The following PREP variants were observed in gnomAD, a reference collection of about 807,000 sequenced individuals.
The protein encoded by PREP is dJ355L5.1 (prolyl endopeptidase).
PREP carries 29 observed loss-of-function variants against 87.6 expected under a neutral mutation model. That is an observed-to-expected ratio of 0.33 (90% CI 0.25 to 0.45). The LOEUF (loss-of-function observed/expected upper bound fraction) is 0.45, where lower values mean the gene tolerates loss of function less well. PREP is among the 20% of genes least tolerant of loss of function. The probability of loss-of-function intolerance (pLI) is 1.00; values close to 1 mark genes in which losing one functional copy is unlikely to be tolerated. For synonymous variants in PREP, 337 were observed against 328.6 expected (o/e 1.03, Z -0.28); for missense variants, 695 against 886.5 (o/e 0.78, Z 2.74).
intron 2 of PREP, among the ~76,000 whole-genome samples, chr6:105,378,537 C>T (rs960483396): frequency 6.6e-6 from 1 of 152,100 alleles, no homozygotes; most frequent in Non-Finnish European, 1.5e-5. Flanking sequence ...ATAAGAAAGG[C>T]AAGAGATGGC....
At chr6:105,315,874 C>CAT in intron 10 of PREP, among the ~76,000 whole-genome samples, 1 of 152,322 alleles carries the variant, frequency 6.6e-6, no homozygotes, top group Middle Eastern at 3.4e-3. Context: ...GCAGCTTTCT[C>CAT]ATGTCTTTTA....
At chr6:105,298,978 A>G (rs1770475030) in intron 10 of PREP, 1 of 152,316 alleles carries the variant, frequency 6.6e-6, no homozygotes, top group Admixed American at 6.5e-5. Flanking sequence ...GGAGACGCAC[A>G]GCAGCATAAC....
chr6:105,315,401 G>A (rs1770840538), intron 10 of PREP, among the ~76,000 whole-genome samples: 1 of 152,074 alleles, frequency 6.6e-6, no homozygotes, highest in African/African-American at 2.4e-5. Context: ...TGAGCTCCTG[G>A]CCCGAGAGTT....
At chr6:105,357,368 A>G (rs1772126809) in intron 6 of PREP, among the ~76,000 whole-genome samples, 1 of 152,202 alleles carries the variant, frequency 6.6e-6, no homozygotes, top group African/African-American at 2.4e-5. Flanking sequence ...CAGCTGTCTC[A>G]AGCACATCTA....
intron 10 of PREP, chr6:105,322,714 T>C: frequency 1.0e-6 from 1 of 999,122 alleles, no homozygotes; most frequent in Non-Finnish European, 1.2e-6. Context: ...GTTTGCCAAC[T>C]GCTGATGTAG....
chr6:105,296,393 T>C (rs1200095911), intron 10 of PREP, among the ~76,000 whole-genome samples: 3 of 152,190 alleles, frequency 2.0e-5, no homozygotes, highest in African/African-American at 7.2e-5. Flanking sequence ...CAGTTTTTTT[T>C]TTTAACTTTC....
intron 12 of PREP, among the ~76,000 whole-genome samples, chr6:105,283,143 C>T (rs1173711641): frequency 1.3e-5 from 2 of 152,164 alleles, no homozygotes; most frequent in African/African-American, 2.4e-5. Flanking sequence ...GTCTTGCCCT[C>T]GGTTATTAAT....
chr6:105,379,984 A>G (rs988783157), intron 2 of PREP, among the ~76,000 whole-genome samples: 1 of 152,242 alleles, frequency 6.6e-6, no homozygotes, highest in Admixed American at 6.5e-5. Flanking sequence ...CACAATGAGA[A>G]GAGTGCAGAA....
intron 9 of PREP, among the ~76,000 whole-genome samples, chr6:105,327,205 G>A (rs967841080): frequency 1.4e-4 from 22 of 152,132 alleles, no homozygotes; most frequent in African/African-American, 5.1e-4. Flanking sequence ...GAAATTAACT[G>A]TGGGCCCTGC....
intron 1 of PREP, among the ~76,000 whole-genome samples, chr6:105,402,041 T>G (rs1178387389): frequency 6.6e-6 from 1 of 152,192 alleles, no homozygotes; most frequent in Non-Finnish European, 1.5e-5. Flanking sequence ...CTGCCCAGAA[T>G]TCCGCCTACT....
At chr6:105,343,914 C>T (rs941455915) in intron 7 of PREP, among the ~76,000 whole-genome samples, 1 of 152,174 alleles carries the variant, frequency 6.6e-6, no homozygotes, top group African/African-American at 2.4e-5. Context: ...CACTTTTACA[C>T]TGTTGGTGGG....
At chr6:105,298,515 T>C (rs966582695) in intron 10 of PREP, 5 of 152,562 alleles carry the variant, frequency 3.3e-5, no homozygotes, top group African/African-American at 1.2e-4. Flanking sequence ...GGTGCAGGGG[T>C]TGACACTGTT....
At chr6:105,293,345 TCAGAACA>T (rs1225810804) in intron 10 of PREP, among the ~76,000 whole-genome samples, 1 of 152,126 alleles carries the variant, frequency 6.6e-6, no homozygotes, top group Non-Finnish European at 1.5e-5. Context: ...AGTGGAGCAA[TCAGAACA>T]CATACAATAT....
intron 1 of PREP, among the ~76,000 whole-genome samples, chr6:105,402,068 C>G (rs1773445313): frequency 6.6e-6 from 1 of 152,180 alleles, no homozygotes; most frequent in South Asian, 2.1e-4. Context: ...CAACAGTTAC[C>G]TTGAGTTCAT....
At chr6:105,390,788 C>T (rs1773122216) in intron 2 of PREP, among the ~76,000 whole-genome samples, 2 of 152,150 alleles carry the variant, frequency 1.3e-5, no homozygotes, top group South Asian at 4.2e-4. Flanking sequence ...GGAAGGGGAG[C>T]AAATTATGCA....
At chr6:105,385,203 T>A (rs1001175755) in intron 2 of PREP, among the ~76,000 whole-genome samples, 6 of 148,982 alleles carry the variant, frequency 4.0e-5, no homozygotes, top group Non-Finnish European at 7.4e-5. Context: ...AAATAAAAAA[T>A]TTTAAAATAA....
chr6:105,313,663 T>G (rs1228729314), intron 10 of PREP, among the ~76,000 whole-genome samples: 1 of 152,182 alleles, frequency 6.6e-6, no homozygotes, highest in Non-Finnish European at 1.5e-5. Flanking sequence ...AAAAATCACC[T>G]GCTTTTATGA....
chr6:105,351,219 G>C (rs971127717), intron 7 of PREP, among the ~76,000 whole-genome samples: 4 of 152,194 alleles, frequency 2.6e-5, no homozygotes, highest in African/African-American at 4.8e-5. Flanking sequence ...GATTATCCTG[G>C]ATAATTTGAG....
intron 7 of PREP, among the ~76,000 whole-genome samples, chr6:105,349,898 T>TAAAAAAAAAAAAAAA (rs1162063177): frequency 7.2e-4 from 43 of 59,430 alleles, no homozygotes; most frequent in African/African-American, 1.9e-3. Flanking sequence ...GGGAAGCAGG[T>TAAAAAAAAAAAAAAA]AAAAAAAAAA....
Sources: gnomAD v4.1 joint callset for allele counts (sites outside exome capture counted in the v4.1 genomes callset) on GRCh38, gnomAD v4.1.1 for gene constraint, MANE v1.5 for transcripts, NCBI Gene and HGNC (gene_info 2026-07-23, HGNC 2026-07-21) for gene names.